Variants in PDE1A observed in about 807,000 individuals in gnomAD.
PDE1A encodes dual specificity calcium/calmodulin-dependent 3',5'-cyclic nucleotide phosphodiesterase 1A.
Under a neutral mutation model 61.7 loss-of-function variants are expected in PDE1A, and 35 were observed. The ratio of observed to expected loss-of-function variants is 0.57; its 90% confidence interval spans 0.43 to 0.75. The LOEUF is 0.75. Among genes scored for constraint, PDE1A ranks in the 30% least tolerant of loss-of-function variants. The probability of loss-of-function intolerance (pLI) is 0.00; values close to 1 mark genes in which losing one functional copy is unlikely to be tolerated. For missense variants in PDE1A, 597 were observed against 630.6 expected, an observed-to-expected ratio of 0.95 and a Z score of 0.57; for synonymous variants, 232 against 213.2, an observed-to-expected ratio of 1.09 and a Z score of -0.77.
At chr2:182,603,411 G>A in the PDE1A span, among the ~76,000 whole-genome samples, 66,493 of 152,010 alleles carry the variant, frequency 0.44, 14,878 homozygotes, top group African/African-American at 0.53. Context: ...CAGTGGCGCC[G>A]TCTCAGTTCA....
At chr2:182,343,120 T>C (rs1326742133) in intron 1 of PDE1A, among the ~76,000 whole-genome samples, 1 of 149,230 alleles carries the variant, frequency 6.7e-6, no homozygotes. Context: ...GGTTGACACC[T>C]GAATGTTCTG....
the PDE1A span, among the ~76,000 whole-genome samples, chr2:182,629,163 A>G: frequency 6.6e-6 from 1 of 152,206 alleles, no homozygotes; most frequent in African/African-American, 2.4e-5. Flanking sequence ...ACCAACAATA[A>G]TGCAAGCTTG....
chr2:182,415,232 T>C (rs1163309324), intron 1 of PDE1A, among the ~76,000 whole-genome samples: 3 of 152,148 alleles, frequency 2.0e-5, no homozygotes, highest in Admixed American at 6.5e-5. Context: ...CTGTGGAATA[T>C]GTTTTCTCTT....
chr2:182,190,010 G>A (rs143974414), intron 10 of PDE1A, among the ~76,000 whole-genome samples: 4 of 152,310 alleles, frequency 2.6e-5, no homozygotes, highest in African/African-American at 7.2e-5. Context: ...GATAAAATAC[G>A]TAAGGACTCC....
At chr2:182,468,295 A>G (rs1306147571) in intron 2 of PDE1A, among the ~76,000 whole-genome samples, 1 of 151,554 alleles carries the variant, frequency 6.6e-6, no homozygotes, top group Non-Finnish European at 1.5e-5. Context: ...TGCTTTCTTA[A>G]CTAAGTTTAT....
chr2:182,546,693 C>T, the PDE1A span, among the ~76,000 whole-genome samples: 1 of 152,316 alleles, frequency 6.6e-6, no homozygotes, highest in Non-Finnish European at 1.5e-5. Flanking sequence ...CCTCAAAGGG[C>T]AGATCCTTTC....
At chr2:182,426,630 T>C in exon 1 of PDE1A, 1 of 1,612,462 alleles carries the variant, frequency 6.2e-7, no homozygotes, top group Non-Finnish European at 8.5e-7. Flanking sequence ...TGGTCATCCA[T>C]TTAAAGGTGA....
the PDE1A span, among the ~76,000 whole-genome samples, chr2:182,555,597 C>T: frequency 1.9e-4 from 29 of 151,932 alleles, no homozygotes; most frequent in South Asian, 8.3e-4. Flanking sequence ...AAATTTTGCC[C>T]AGAACATATT....
chr2:182,509,766 T>C (rs1039003983), intron 2 of PDE1A, among the ~76,000 whole-genome samples: 8 of 152,228 alleles, frequency 5.3e-5, no homozygotes, highest in Non-Finnish European at 7.3e-5. Flanking sequence ...ACCAGAAATG[T>C]AGTTGATACC....
intron 1 of PDE1A, among the ~76,000 whole-genome samples, chr2:182,292,619 A>T (rs1421793017): frequency 6.6e-6 from 1 of 152,030 alleles, no homozygotes; most frequent in East Asian, 1.9e-4. Flanking sequence ...AATAGTACAA[A>T]ATTTGCTATT....
At chr2:182,629,619 T>G in the PDE1A span, among the ~76,000 whole-genome samples, 7 of 152,284 alleles carry the variant, frequency 4.6e-5, no homozygotes, top group East Asian at 1.4e-3. Flanking sequence ...ACACACAGTC[T>G]TTTTGATGGC....
chr2:182,277,706 G>C (rs1005358511), intron 1 of PDE1A, among the ~76,000 whole-genome samples: 1 of 152,090 alleles, frequency 6.6e-6, no homozygotes, highest in Non-Finnish European at 1.5e-5. Flanking sequence ...GAGCTACTGG[G>C]TGCAAGAGAG....
the PDE1A span, among the ~76,000 whole-genome samples, chr2:182,650,223 C>T: frequency 2.0e-5 from 3 of 152,094 alleles, no homozygotes; most frequent in Non-Finnish European, 2.9e-5. Flanking sequence ...TATGGGAAAA[C>T]GCAAGTATTG....
rs554831690 is a variant in PDE1A, at chr2:182,494,663, G to A, written c.101+27613C>T. Reference sequence around the variant, plus strand: ...CATCTCAGAAGTCAAAATGCCCAACGACCAATGTAATAATCAGAATTCCAT... The same window carrying A: ...CATCTCAGAAGTCAAAATGCCCAACAACCAATGTAATAATCAGAATTCCAT... On this transcript the variant is annotated intron_variant, in intron 2 of 14. Transcript: ENST00000410103. 1.4e-4 allele frequency among the ~76,000 whole-genome samples: 21 copies of A among 151,988 alleles called. No homozygotes were observed. In the East Asian group the frequency reaches 2.1e-3, roughly 15 times the overall value.
intron 1 of PDE1A, among the ~76,000 whole-genome samples, chr2:182,423,481 T>C (rs974036485): frequency 2.6e-5 from 4 of 152,220 alleles, no homozygotes; most frequent in African/African-American, 9.6e-5. Context: ...AGTAACTTTT[T>C]CCACTTGATG....
chr2:182,685,155 T>A, the PDE1A span, among the ~76,000 whole-genome samples: 1 of 151,438 alleles, frequency 6.6e-6, no homozygotes, highest in Non-Finnish European at 1.5e-5. Context: ...GATAGACATA[T>A]CTCCACAAAG....
intron 1 of PDE1A, among the ~76,000 whole-genome samples, chr2:182,417,004 C>T (rs1274274368): frequency 6.6e-6 from 1 of 152,142 alleles, no homozygotes; most frequent in Non-Finnish European, 1.5e-5. Flanking sequence ...TTGTCAGTTT[C>T]AACATCATGC....
In PDE1A at chr2:182,343,423, T is replaced by A. The variant is rs985651353; in HGVS notation, c.54-79009A>T. On this transcript the variant is annotated intron_variant, in intron 1 of 13. Coordinates refer to ENST00000351439, the Ensembl canonical transcript of PDE1A. ...AAATAGGAAATAATTCTGAAGGTTT[T>A]CAGATGCCATAAGCAGCAGACCTAA... Among the ~76,000 whole-genome samples, 7 of 152,336 alleles carry A rather than the reference T, an allele frequency of 4.6e-5. No homozygotes were observed. The South Asian group carries it at 1.4e-3, about 32-fold the overall frequency.
chr2:182,473,329 G>A (rs993208298), intron 2 of PDE1A, among the ~76,000 whole-genome samples: 1 of 151,864 alleles, frequency 6.6e-6, no homozygotes, highest in Non-Finnish European at 1.5e-5. Flanking sequence ...ACTACCATCA[G>A]AGTGAACAGG....
Sources: allele counts gnomAD v4.1 joint callset (sites outside exome capture counted in the v4.1 genomes callset), GRCh38; gene constraint gnomAD v4.1.1; transcripts MANE v1.5; gene names NCBI Gene and HGNC (gene_info 2026-07-23, HGNC 2026-07-21).